Variants in PADI4 observed in about 807,000 individuals in gnomAD.
PADI4 encodes the protein peptidyl arginine deiminase 4.
A neutral mutation model predicts 75.0 loss-of-function variants in PADI4; 62 were observed. The ratio of observed to expected loss-of-function variants is 0.83; its 90% CI spans 0.67 to 1.02. The LOEUF is 1.02. PADI4 is among the 50% of genes least tolerant of loss of function. PADI4 has a pLI of 0.00. For missense variants in PADI4, 845 were observed against 850.5 expected (o/e 0.99, Z 0.08); for synonymous variants, 361 against 348.1 (o/e 1.04, Z -0.41).
intron 3 of PADI4, among the ~76,000 whole-genome samples, chr1:17,335,104 C>T (rs1434132820): frequency 2.0e-5 from 3 of 152,078 alleles, no homozygotes; most frequent in Non-Finnish European, 2.9e-5. Flanking sequence ...CACTGCACTC[C>T]AGCCTGGGTG....
intron 1 of PADI4, among the ~76,000 whole-genome samples, chr1:17,330,378 T>A (rs140217607): frequency 1.1e-4 from 17 of 152,050 alleles, no homozygotes; most frequent in East Asian, 5.8e-4. Context: ...TGTGTGTGTG[T>A]GAGAGAGAGT....
At chr1:17,336,630 G>A (rs1463385172) in intron 4 of PADI4, among the ~76,000 whole-genome samples, 1 of 152,178 alleles carries the variant, frequency 6.6e-6, no homozygotes, top group Non-Finnish European at 1.5e-5. Context: ...GGGGAGAGGC[G>A]GGAAGGAGCC....
At chr1:17,347,716 G>A (rs2074541967) in intron 9 of PADI4, among the ~76,000 whole-genome samples, 1 of 152,202 alleles carries the variant, frequency 6.6e-6, no homozygotes. Flanking sequence ...ACCAGGAGTA[G>A]GAGGGAAGGG....
chr1:17,361,526 G>A (rs150965900), intron 15 of PADI4, among the ~76,000 whole-genome samples: 144 of 152,342 alleles, frequency 9.5e-4, no homozygotes, highest in African/African-American at 3.2e-3. Flanking sequence ...GTGTCTAGGC[G>A]GTGGCCCCCT....
intron 1 of PADI4, among the ~76,000 whole-genome samples, chr1:17,318,199 C>G (rs1161156489): frequency 2.6e-5 from 4 of 152,190 alleles, no homozygotes; most frequent in Non-Finnish European, 5.9e-5. Flanking sequence ...CTGGGCACAG[C>G]AGAGTGGCAC....
intron 2 of PADI4, 82 bp downstream of exon 2, chr1:17,331,231 A>G (rs1433089450): frequency 8.2e-6 from 10 of 1,217,020 alleles, no homozygotes; most frequent in African/African-American, 3.1e-5. Context: ...CGTGATCCAC[A>G]GCACCAGCCT....
chr1:17,327,093 T>C (rs2074128558), intron 1 of PADI4, among the ~76,000 whole-genome samples: 1 of 151,964 alleles, frequency 6.6e-6, no homozygotes, highest in African/African-American at 2.4e-5. Flanking sequence ...TTGTATTTTT[T>C]GTAGAGATGG....
chr1:17,356,411 C>A lies in PADI4; in HGVS notation c.1510C>A (p.Gln504Lys), dbSNP rs151325956. 4 of 1,613,580 alleles carry A rather than the reference C, an allele frequency of 2.5e-6. No individual in the cohort carries two copies. Among genetic ancestry groups the A allele is most frequent in the African/African-American group, 1.3e-5 (1 of 74,932 alleles). The change falls in exon 13 of 16, where the codon CAG (glutamine) becomes AAG (lysine). Residue 504 changes from glutamine to lysine, a missense_variant. Transcript: ENST00000375448. This position sits in a 1 kb window ranked among gnomAD's most constrained non-coding sequence, Gnocchi z 4.1. ...GTCCTGCTACAAACTGTTCCAGGAGCAGCAGAATGAGGGCCACGGGGAGGC... is the reference window on the plus strand; with the variant it reads ...GTCCTGCTACAAACTGTTCCAGGAGAAGCAGAATGAGGGCCACGGGGAGGC... Reference protein sequence around the residue: ...PRSCYKLFQEQQNEGHGEALL... With the variant: ...PRSCYKLFQEKQNEGHGEALL...
In PADI4 at chr1:17,346,236, G is replaced by GC. The variant is rs546893052; in HGVS notation, c.1047+99dup. On this transcript the variant is annotated intron_variant, in intron 9 of 15. Coordinates refer to ENST00000375448, the MANE Select transcript of PADI4 (RefSeq NM_012387.3). The surrounding 1 kb of genome is among the most constrained non-coding windows in gnomAD (Gnocchi z 4.3). ...TGGGGTTCAGCCTGGTGCCTCACCG[G>GC]CCACTCTTCCTTAGATGGACAGGGA... 447 of 696,592 alleles carry GC rather than the reference G, an allele frequency of 6.4e-4. 1 individual carries two copies. The highest frequency in any genetic ancestry group is 1.4e-3 in the South Asian group (85 of 58,876). The allele number at this position is 696,592 out of a possible 1,614,324, so 43.2% of individuals were successfully genotyped here.
intron 10 of PADI4, among the ~76,000 whole-genome samples, chr1:17,350,748 G>A (rs373699709): frequency 1.5e-5 from 2 of 130,590 alleles, no homozygotes; most frequent in African/African-American, 2.5e-5. Context: ...CATACTCAGC[G>A]GGGCCTTGTT....
At position 17,352,321 on chromosome 1, in the gene PADI4, G is replaced by A. The variant is rs142881261; in HGVS notation, c.1156-2212G>A. On this transcript the variant is annotated intron_variant, in intron 10 of 15. Coordinates refer to ENST00000375448, the MANE Select transcript of PADI4 (RefSeq NM_012387.3). The stretch of plus-strand genomic sequence containing the variant: ...CTGTGGTCAGAGGTGATGGGGAAGG[G>A]ACGGGATGACCGGATGGGGTTGGGC... 3.5e-3 allele frequency among the ~76,000 whole-genome samples: 535 copies of A among 152,116 alleles called. 1 individual carries two copies. Among genetic ancestry groups the A allele is most frequent in the Middle Eastern group, 0.017 (5 of 294 alleles).
intron 15 of PADI4, among the ~76,000 whole-genome samples, chr1:17,361,273 G>A (rs1186721331): frequency 6.6e-6 from 1 of 152,260 alleles, no homozygotes; most frequent in Non-Finnish European, 1.5e-5. Context: ...AGGAATTAAA[G>A]TATTGACCCC....
chr1:17,314,700 T>C (rs1272555383), intron 1 of PADI4, among the ~76,000 whole-genome samples: 1 of 152,162 alleles, frequency 6.6e-6, no homozygotes, highest in African/African-American at 2.4e-5. Flanking sequence ...CCCAAGGTCA[T>C]TGCCTCTCTC....
Position 17,341,919 on chromosome 1 carries a change from G to A in PADI4, c.653-24G>A, listed in dbSNP as rs764972605. 5 of 1,599,906 alleles carry A rather than the reference G, an allele frequency of 3.1e-6. 1 individual carries two copies. In the East Asian group the frequency reaches 6.7e-5, roughly 22 times the overall value. ...TCTTCAGAAGTGGGGACGCAGACCT[G>A]AGTCTCCCCTGCCTCTCTCCTAGGG... On this transcript the variant is annotated intron_variant, in intron 6 of 15. Coordinates refer to ENST00000375448, the MANE Select transcript of PADI4 (RefSeq NM_012387.3).
At chr1:17,339,356 G>T (rs1397725823) in intron 5 of PADI4, among the ~76,000 whole-genome samples, 1 of 152,198 alleles carries the variant, frequency 6.6e-6, no homozygotes, top group Non-Finnish European at 1.5e-5. Context: ...GCTGGTCATT[G>T]TTCTAGGGAG....
chr1:17,339,470 T>C (rs2074375322), intron 5 of PADI4, among the ~76,000 whole-genome samples: 2 of 152,102 alleles, frequency 1.3e-5, no homozygotes, highest in Admixed American at 1.3e-4. Context: ...CTCATCCTAG[T>C]GGGAGGAGAC....
Position 17,363,589 on chromosome 1 carries a change from G to A in PADI4, c.1826G>A (p.Arg609His), listed in dbSNP as rs201235053. 8.7e-5 allele frequency: 140 copies of A among 1,614,100 alleles called. No homozygotes were observed. Among genetic ancestry groups the A allele is most frequent in the Middle Eastern group, 6.6e-4 (4 of 6,062 alleles). The change falls in exon 16 of 16, where the codon CGC (arginine) becomes CAC (histidine). Residue 609 changes from arginine to histidine, a missense_variant. By Grantham distance (29) the Arg-to-His change is conservative (BLOSUM62 0). Coordinates refer to ENST00000375448, the MANE Select transcript of PADI4 (RefSeq NM_012387.3). ...CCCTTCGGGCCCGTCATCAACGGCC[G>A]CTGCTGCCTGGAGGAGAAGGTGTGT... Reference protein sequence around the residue: ...PKPFGPVINGRCCLEEKVCSL... With the variant: ...PKPFGPVINGHCCLEEKVCSL...
intron 15 of PADI4, among the ~76,000 whole-genome samples, chr1:17,362,372 A>T (rs2074859083): frequency 6.6e-6 from 1 of 151,418 alleles, no homozygotes; most frequent in Non-Finnish European, 1.5e-5. Flanking sequence ...AAAAAAAAAA[A>T]AATTAAATAA....
chr1:17,345,094 C>T (rs1029569135), intron 8 of PADI4, among the ~76,000 whole-genome samples: 1 of 152,234 alleles, frequency 6.6e-6, no homozygotes, highest in African/African-American at 2.4e-5. Context: ...ACCATGGGAA[C>T]CCACCTCTTG....
Sources: gnomAD v4.1 joint callset for allele counts (sites outside exome capture counted in the v4.1 genomes callset) on GRCh38, gnomAD v4.1.1 for gene constraint, Gnocchi (gnomAD v3.1) non-coding constraint, MANE v1.5 for transcripts, NCBI Gene and HGNC (gene_info 2026-07-23, HGNC 2026-07-21) for gene names.